FAM13A: variants seen among roughly 807,000 people sequenced by gnomAD.
FAM13A encodes the protein protein FAM13A.
FAM13A carries 76 observed loss-of-function variants against 129.6 expected under a neutral mutation model. The observed-to-expected ratio is 0.59, with a 90% CI of 0.49 to 0.71. FAM13A has a LOEUF of 0.71. Among genes scored for constraint, FAM13A ranks in the 30% least tolerant of loss-of-function variants. The probability of loss-of-function intolerance (pLI) is 0.00; values close to 1 mark genes in which losing one functional copy is unlikely to be tolerated. For synonymous variants in FAM13A, 443 were observed against 449.9 expected (o/e 0.98, Z 0.20); for missense variants, 1,108 against 1,249.3 (o/e 0.89, Z 1.70).
intron 3 of FAM13A, among the ~76,000 whole-genome samples, chr4:88,992,778 A>C (rs1763067806): frequency 6.6e-6 from 1 of 152,224 alleles, no homozygotes; most frequent in Non-Finnish European, 1.5e-5. Context: ...GAAGAAAATA[A>C]AAATATTTTA....
chr4:88,967,085 A>G (rs1759451333), intron 4 of FAM13A, among the ~76,000 whole-genome samples: 3 of 152,244 alleles, frequency 2.0e-5, no homozygotes. Context: ...GTGAAATAAT[A>G]GTACCTAACT....
intron 7 of FAM13A, among the ~76,000 whole-genome samples, chr4:88,848,322 G>A (rs186025459): frequency 4.0e-5 from 6 of 150,876 alleles, no homozygotes; most frequent in Admixed American, 3.4e-4. Flanking sequence ...GCTGGTCTCT[G>A]GATTCCCTCC....
At chr4:89,038,103 T>C (rs1769627307) in intron 1 of FAM13A, among the ~76,000 whole-genome samples, 1 of 152,222 alleles carries the variant, frequency 6.6e-6, no homozygotes, top group African/African-American at 2.4e-5. Flanking sequence ...ACTATGGTAT[T>C]GCCAGAACCT....
chr4:88,874,850 C>T lies in FAM13A; in HGVS notation c.844-23667G>A, dbSNP rs949668011. On this transcript the variant is annotated intron_variant, in intron 6 of 23. Transcript: ENST00000264344. ...ATTGCCAAGACAATCCTAAGCAAAA[C>T]GAACAAAGCTGGAGGCATCACGCTA... is the stretch of plus-strand genomic sequence containing the variant. Among the ~76,000 whole-genome samples, 18 of 152,030 alleles carry T rather than the reference C, an allele frequency of 1.2e-4. 1 individual carries two copies. The highest frequency in any genetic ancestry group is 3.4e-3 in the Middle Eastern group (1 of 294).
intron 21 of FAM13A, 90 bp downstream of exon 21, chr4:88,737,380 CGA>C: frequency 9.2e-7 from 1 of 1,092,362 alleles, no homozygotes; most frequent in East Asian, 2.4e-5. Flanking sequence ...CCAAAAGGCC[CGA>C]TCACACCCCC....
At chr4:88,768,089 T>C in intron 11 of FAM13A, 30 bp from the exon 12 acceptor site, 3 of 1,342,878 alleles carry the variant, frequency 2.2e-6, no homozygotes, top group Non-Finnish European at 3.2e-6. Context: ...GGTTGCCTAA[T>C]AGGAATGGTA....
intron 14 of FAM13A, among the ~76,000 whole-genome samples, chr4:88,758,138 C>T (rs548246361): frequency 1.6e-4 from 25 of 152,158 alleles, no homozygotes; most frequent in Admixed American, 2.6e-4. Flanking sequence ...TCTTCTTCCT[C>T]GCAAGTACAT....
chr4:89,052,091 A>C (rs776546617), intron 1 of FAM13A, among the ~76,000 whole-genome samples: 58 of 152,052 alleles, frequency 3.8e-4, no homozygotes, highest in Non-Finnish European at 7.1e-4. Flanking sequence ...GCACCGGCAG[A>C]GACAGCTCTA....
intron 4 of FAM13A, among the ~76,000 whole-genome samples, chr4:88,961,007 G>A (rs1340415208): frequency 1.3e-5 from 2 of 152,122 alleles, no homozygotes; most frequent in African/African-American, 2.4e-5. Flanking sequence ...TTTTAAAGAG[G>A]TGCCCTCTTA....
intron 11 of FAM13A, among the ~76,000 whole-genome samples, chr4:88,779,250 T>C (rs1366156359): frequency 6.6e-6 from 1 of 152,148 alleles, no homozygotes; most frequent in Non-Finnish European, 1.5e-5. Context: ...TTTTTTAAGC[T>C]ATAGAAACAA....
At chr4:89,041,195 A>G (rs1234132745) in intron 1 of FAM13A, among the ~76,000 whole-genome samples, 4 of 152,234 alleles carry the variant, frequency 2.6e-5, no homozygotes, top group Non-Finnish European at 5.9e-5. Flanking sequence ...GACTACAGTT[A>G]ACAAGTATTG....
chr4:88,854,734 G>C (rs571731546), intron 6 of FAM13A, among the ~76,000 whole-genome samples: 5 of 152,306 alleles, frequency 3.3e-5, no homozygotes, highest in African/African-American at 4.8e-5. Context: ...ATCTCAAAAA[G>C]AATACATTCC....
At chr4:88,775,310 C>T (rs1467967268) in intron 11 of FAM13A, among the ~76,000 whole-genome samples, 1 of 152,094 alleles carries the variant, frequency 6.6e-6, no homozygotes, top group Non-Finnish European at 1.5e-5. Context: ...CACAAAAGAC[C>T]AGTAGAGACA....
intron 6 of FAM13A, among the ~76,000 whole-genome samples, chr4:88,902,508 A>C (rs748910766): frequency 6.6e-6 from 1 of 151,962 alleles, no homozygotes; most frequent in Admixed American, 6.6e-5. Context: ...GAAAAAAAAA[A>C]CACTTGATTA....
intron 14 of FAM13A, among the ~76,000 whole-genome samples, chr4:88,758,310 T>C (rs189824504): frequency 3.9e-5 from 6 of 151,904 alleles, no homozygotes; most frequent in Admixed American, 2.6e-4. Flanking sequence ...AAAACGAACA[T>C]AGAAACAAAG....
At chr4:88,733,591 G>A (rs746212725) in intron 21 of FAM13A, among the ~76,000 whole-genome samples, 4 of 152,076 alleles carry the variant, frequency 2.6e-5, no homozygotes, top group African/African-American at 7.2e-5. Flanking sequence ...TCAGTTTTCC[G>A]CTCCCTCTCT....
intron 1 of FAM13A, among the ~76,000 whole-genome samples, chr4:89,051,782 G>A: frequency 6.6e-6 from 1 of 152,092 alleles, no homozygotes. Context: ...AGAAAGGAAT[G>A]GCAGGTCCTG....
Position 88,906,073 on chromosome 4 carries a change from A to T in FAM13A, c.843+306T>A, listed in dbSNP as rs558133172. On this transcript the variant is annotated intron_variant, in intron 6 of 23. Coordinates refer to ENST00000264344, the MANE Select transcript of FAM13A (RefSeq NM_014883.4). Reference sequence around the variant, plus strand: ...GAGGCCAAGGCAGGCAGATCACCTGAGGTCAGGAGTTTGAGACCAGCCTGG... The same window carrying T: ...GAGGCCAAGGCAGGCAGATCACCTGTGGTCAGGAGTTTGAGACCAGCCTGG... 3.9e-5 allele frequency among the ~76,000 whole-genome samples: 6 copies of T among 152,310 alleles called. No homozygotes were observed. The South Asian group carries it at 8.3e-4, about 21-fold the overall frequency.
chr4:88,834,055 ATTTTTTTTTTTTT>A (rs922832858), intron 7 of FAM13A, among the ~76,000 whole-genome samples: 10 of 84,220 alleles, frequency 1.2e-4, no homozygotes, highest in South Asian at 4.2e-4. Flanking sequence ...AGGCCTGGCT[ATTTTTTTTTTTTT>A]TTTTTTTTTT....
Sources: allele counts gnomAD v4.1 joint callset (sites outside exome capture counted in the v4.1 genomes callset), GRCh38; gene constraint gnomAD v4.1.1; transcripts MANE v1.5; gene names NCBI Gene and HGNC (gene_info 2026-07-23, HGNC 2026-07-21).